The following OTC variants were observed in gnomAD, a reference collection of about 807,000 sequenced individuals.
The protein encoded by OTC is ornithine transcarbamylase, also known as ornithine transcarbamylase, mitochondrial.
Under a neutral mutation model 30.3 loss-of-function variants are expected in OTC, and 3 were observed. The observed-to-expected ratio is 0.10, with a 90% CI of 0.05 to 0.26. OTC has a LOEUF of 0.26. Among genes scored for constraint, OTC ranks in the 10% least tolerant of loss-of-function variants. The pLI, the probability that OTC is intolerant of heterozygous loss-of-function variation, is 1.00. For missense variants in OTC, 194 were observed against 260.3 expected (o/e 0.75, Z 1.75); for synonymous variants, 111 against 99.7 (o/e 1.11, Z -0.67).
the OTC span, among the ~76,000 whole-genome samples, chrX:38,338,558 A>G: frequency 3.6e-5 from 4 of 112,527 alleles, no homozygotes; most frequent in African/African-American, 1.3e-4. Context: ...CTTCTAAATA[A>G]ATAATACATC....
chrX:38,344,238 TATACACACAC>T, the OTC span, among the ~76,000 whole-genome samples: 2 of 43,291 alleles, frequency 4.6e-5, no homozygotes, highest in African/African-American at 1.3e-4. Context: ...GATATATATA[TATACACACAC>T]ACACACACAC....
At position 38,401,562 on chromosome X, in the gene OTC, G is replaced by A. The variant is rs2272721; in HGVS notation, c.540+134G>A. On this transcript the variant is annotated intron_variant, in intron 5 of 9. Coordinates refer to ENST00000039007, the MANE Select transcript of OTC (RefSeq NM_000531.6). ...CCAGCTTGACAAAGAATTACAGCTT[G>A]TGTGTGCATTTTCTGGGGAAAACAG... is the stretch of plus-strand genomic sequence containing the variant. 0.43 allele frequency: 235,063 copies of A among 544,931 alleles called. 38,060 individuals are homozygous for A. The highest frequency in any genetic ancestry group is 0.82 in the African/African-American group (35,855 of 43,732). The allele number at this position is 544,931 out of a possible 1,213,427, so 44.9% of individuals were successfully genotyped here. A position where few individuals can be genotyped will look rare whatever the true frequency, so the allele number is the denominator to read the frequency against.
chrX:38,341,491 C>G, the OTC span, among the ~76,000 whole-genome samples: 7 of 111,794 alleles, frequency 6.3e-5, no homozygotes, highest in Non-Finnish European at 1.3e-4. Context: ...TAGAAAATGA[C>G]TGAGTTGTTT....
chrX:38,393,750 C>T (rs11799009), intron 4 of OTC, among the ~76,000 whole-genome samples: 17,126 of 111,870 alleles, frequency 0.15, 1,373 homozygotes, highest in Middle Eastern at 0.27. Flanking sequence ...TAACAAATTA[C>T]CACATACTTA....
At chrX:38,401,500 T>TC in intron 5 of OTC, 72 bp downstream of exon 5, 1 of 838,746 alleles carries the variant, frequency 1.2e-6, no homozygotes, top group Non-Finnish European at 1.8e-6. Context: ...TGAAACAGTT[T>TC]ACTTAAATCA....
At chrX:38,346,823 A>G in the OTC span, among the ~76,000 whole-genome samples, 1 of 112,544 alleles carries the variant, frequency 8.9e-6, no homozygotes, top group Admixed American at 9.4e-5. Flanking sequence ...GGAATTTAAA[A>G]GGGAGTTTTC....
intron 1 of OTC, among the ~76,000 whole-genome samples, chrX:38,354,693 G>A (rs2068231911): frequency 1.8e-5 from 2 of 111,445 alleles, no homozygotes; most frequent in African/African-American, 6.5e-5. Context: ...TTGAAAGTGT[G>A]AAAGCCTCGA....
chrX:38,414,111 TC>T lies in OTC; in HGVS notation c.1005+2114del, dbSNP rs777614675. On this transcript the variant is annotated intron_variant, in intron 9 of 9. Coordinates refer to ENST00000039007, the MANE Select transcript of OTC (RefSeq NM_000531.6). ...CAGGAAGAGACACAGCAAAACATTT[TC>T]CTTGAGCTCTGTTTTTCATCAGAAG... Among the ~76,000 whole-genome samples, 16 of 111,637 alleles carry T rather than the reference TC, an allele frequency of 1.4e-4. No individual in the cohort carries two copies. In the East Asian group the frequency reaches 2.3e-3, roughly 16 times the overall value.
the OTC span, among the ~76,000 whole-genome samples, chrX:38,344,014 C>CTACCAT: frequency 9.0e-6 from 1 of 111,028 alleles, no homozygotes. Flanking sequence ...TTTAGACAAA[C>CTACCAT]TACCATTACC....
At chrX:38,346,373 T>C in the OTC span, among the ~76,000 whole-genome samples, 1 of 112,131 alleles carries the variant, frequency 8.9e-6, no homozygotes, top group Non-Finnish European at 1.9e-5. Context: ...GTATATTAAC[T>C]CTGCAAAACC....
chrX:38,331,420 A>ATTTTTTTTTTG, the OTC span, among the ~76,000 whole-genome samples: 2 of 76,892 alleles, frequency 2.6e-5, no homozygotes, highest in Non-Finnish European at 5.1e-5. Flanking sequence ...CACCCAGCTA[A>ATTTTTTTTTTG]TTTTTTTTTT....
At chrX:38,362,432 T>C (rs1372778791) in intron 1 of OTC, among the ~76,000 whole-genome samples, 1 of 111,782 alleles carries the variant, frequency 8.9e-6, no homozygotes, top group Non-Finnish European at 1.9e-5. Flanking sequence ...GCTGCTGCCA[T>C]GGAAAGTCTA....
At chrX:38,405,621 T>C (rs1338519934) in intron 6 of OTC, among the ~76,000 whole-genome samples, 1 of 111,533 alleles carries the variant, frequency 9.0e-6, no homozygotes, top group Non-Finnish European at 1.9e-5. Flanking sequence ...AAGAACACTA[T>C]TCAACCAAGT....
At chrX:38,382,040 T>C (rs1346717641) in intron 4 of OTC, among the ~76,000 whole-genome samples, 1 of 112,143 alleles carries the variant, frequency 8.9e-6, no homozygotes, top group African/African-American at 3.2e-5. Context: ...AGAGTGATTC[T>C]ACCATCTTCA....
intron 9 of OTC, among the ~76,000 whole-genome samples, chrX:38,413,336 C>T (rs1206316802): frequency 8.9e-6 from 1 of 112,139 alleles, no homozygotes; most frequent in Admixed American, 9.4e-5. Flanking sequence ...TCATCATCTT[C>T]ACTATTGATC....
chrX:38,342,744 A>G, the OTC span, among the ~76,000 whole-genome samples: 1 of 111,916 alleles, frequency 8.9e-6, no homozygotes, highest in African/African-American at 3.3e-5. Flanking sequence ...CCTATGACCT[A>G]GGCTCCAAAC....
At chrX:38,394,646 T>C (rs1041216587) in intron 4 of OTC, among the ~76,000 whole-genome samples, 3 of 111,877 alleles carry the variant, frequency 2.7e-5, no homozygotes, top group Non-Finnish European at 5.6e-5. Context: ...CTTCCCTCCA[T>C]GGCCTCCCTT....
At position 38,411,849 on chromosome X, in the gene OTC, C is replaced by A. The variant is rs371213822; in HGVS notation, c.868-13C>A. ...ATAATAGTCAAAAAGTGGTCTTATC[C>A]CCATCTCTTTAGACTGCTAAAGTTG... is the stretch of plus-strand genomic sequence containing the variant. On this transcript the variant is annotated splice_polypyrimidine_tract_variant and intron_variant, in intron 8 of 9. Transcript: ENST00000039007. The A allele has an allele frequency of 6.6e-6, 8 of 1,206,884 alleles. No homozygotes were observed. In the African/African-American group the frequency reaches 1.4e-4, roughly 21 times the overall value.
intron 1 of OTC, among the ~76,000 whole-genome samples, chrX:38,364,292 A>T (rs1396959273): frequency 8.9e-6 from 1 of 112,089 alleles, no homozygotes; most frequent in East Asian, 2.8e-4. Context: ...AAAAGTTTTT[A>T]CTGTTAGAGG....
Sources: allele counts gnomAD v4.1 joint callset (sites outside exome capture counted in the v4.1 genomes callset), GRCh38; gene constraint gnomAD v4.1.1; transcripts MANE v1.5; gene names NCBI Gene and HGNC (gene_info 2026-07-23, HGNC 2026-07-21).